Variants in CSPP1 observed in about 807,000 individuals in gnomAD.
CSPP1 encodes the protein centrosome and spindle pole-associated protein 1.
A neutral mutation model predicts 164.4 loss-of-function variants in CSPP1; 126 were observed. The observed-to-expected ratio is 0.77, with a 90% confidence interval of 0.66 to 0.89. The LOEUF (loss-of-function observed/expected upper bound fraction) is 0.89. Ranked by LOEUF, CSPP1 falls within the 40% of genes least tolerant of loss-of-function variation. The pLI, the probability that CSPP1 is intolerant of heterozygous loss-of-function variation, is 0.00. For missense variants in CSPP1, 1,395 were observed against 1,449.8 expected, an observed-to-expected ratio of 0.96 and a Z score of 0.61; for synonymous variants, 472 against 476.7, an observed-to-expected ratio of 0.99 and a Z score of 0.13.
At chr8:67,095,847 A>G (rs1812645313) in intron 7 of CSPP1, 115 bp downstream of exon 7, 1 of 649,294 alleles carries the variant, frequency 1.5e-6, no homozygotes, top group Non-Finnish European at 2.6e-6. Flanking sequence ...ATTTATCATA[A>G]TTAATTCTAA....
chr8:67,173,544 A>C (rs150265315), intron 25 of CSPP1: 1 of 152,274 alleles, frequency 6.6e-6, no homozygotes, highest in East Asian at 1.9e-4. Flanking sequence ...TATTATAGCA[A>C]ATTTTCAAAA....
At chr8:67,172,054 G>A (rs1830568666) in intron 24 of CSPP1, among the ~76,000 whole-genome samples, 1 of 151,008 alleles carries the variant, frequency 6.6e-6, no homozygotes, top group Non-Finnish European at 1.5e-5. Flanking sequence ...CTCCACGTTG[G>A]CCCAGTCTGG....
At chr8:67,110,957 C>G (rs1816731635) in intron 9 of CSPP1, among the ~76,000 whole-genome samples, 1 of 152,014 alleles carries the variant, frequency 6.6e-6, no homozygotes, top group African/African-American at 2.4e-5. Context: ...GGAATATTTA[C>G]TTTTATTATA....
intron 7 of CSPP1, among the ~76,000 whole-genome samples, chr8:67,101,330 G>A (rs1814070657): frequency 6.6e-6 from 1 of 152,178 alleles, no homozygotes. Context: ...GCCAGTGGTT[G>A]TAACTCTCCC....
chr8:67,161,786 C>T (rs1252558432), intron 21 of CSPP1, 25 bp from the exon 22 acceptor site: 13 of 1,384,954 alleles, frequency 9.4e-6, no homozygotes, highest in African/African-American at 1.4e-5. Context: ...AGCAAATATG[C>T]TCTTAAATTT....
At chr8:67,157,432 A>C (rs1475541932) in intron 19 of CSPP1, among the ~76,000 whole-genome samples, 1 of 151,950 alleles carries the variant, frequency 6.6e-6, no homozygotes, top group Non-Finnish European at 1.5e-5. Context: ...AGTAGCTGGG[A>C]TTACAGGCAC....
At chr8:67,089,831 AG>A (rs909815276) in intron 4 of CSPP1, among the ~76,000 whole-genome samples, 2 of 151,146 alleles carry the variant, frequency 1.3e-5, no homozygotes, top group African/African-American at 4.9e-5. Context: ...AATAAAAAAA[AG>A]TTTTTTTTTT....
intron 21 of CSPP1, among the ~76,000 whole-genome samples, chr8:67,159,954 C>CTTCT (rs375502848): frequency 3.2e-5 from 1 of 31,432 alleles, no homozygotes; most frequent in Non-Finnish European, 5.6e-5. Context: ...TCCTTCCTTC[C>CTTCT]TTCTTTCTTT....
intron 27 of CSPP1, among the ~76,000 whole-genome samples, chr8:67,178,329 G>T (rs1255679124): frequency 6.6e-6 from 1 of 152,112 alleles, no homozygotes; most frequent in Non-Finnish European, 1.5e-5. Flanking sequence ...CCTGAGGGGG[G>T]TACTTTTTGT....
In CSPP1 at chr8:67,105,952, G is replaced by A. The variant is rs559885403; in HGVS notation, c.1070G>A (p.Ser357Asn). The A allele has an allele frequency of 1.2e-5, 19 of 1,592,888 alleles. No individual in the cohort carries two copies. The South Asian group carries it at 1.7e-4, about 14-fold the overall frequency. Residue 357 changes from serine to asparagine, a missense_variant, in exon 9 of 31, where the codon AGT (serine) becomes AAT (asparagine). Transcript: ENST00000678616. ...AAATCTGCTAATCAAGATACCTGTA[G>A]TCCTTTTGCAGGGATGCTCTTTGGT... ...TSKSANQDTCSPFAGMLFGGE... is the reference protein window; with the variant it reads ...TSKSANQDTCNPFAGMLFGGE...
rs376215036 is a variant in CSPP1, at chr8:67,193,538, T to G, written c.3405T>G (p.Leu1135=). The G allele has an allele frequency of 4.2e-5, 68 of 1,613,386 alleles. No homozygotes were observed. Among genetic ancestry groups the G allele is most frequent in the Admixed American group, 1.0e-4 (6 of 60,012 alleles). ...TATCCAGTGTAAATGTTGATGAGCT[T>G]AGAGTGAGAAATGAGGAACGAATGC... The part of the protein sequence containing the change: ...KSISSVNVDE[L]RVRNEERMRR... Residue 1135 remains leucine (L), a synonymous_variant, in exon 30 of 31, where the codon CTT becomes CTG. Coordinates refer to ENST00000678616, the MANE Select transcript of CSPP1 (RefSeq NM_001382391.1).
At chr8:67,066,213 C>T (rs1293008552) in intron 1 of CSPP1, among the ~76,000 whole-genome samples, 4 of 152,122 alleles carry the variant, frequency 2.6e-5, no homozygotes, top group African/African-American at 7.2e-5. Flanking sequence ...CCTCTCTTTC[C>T]CCCAGCAACA....
intron 3 of CSPP1, among the ~76,000 whole-genome samples, chr8:67,079,558 T>G (rs542400362): frequency 9.8e-5 from 15 of 152,376 alleles, no homozygotes; most frequent in South Asian, 2.1e-4. Context: ...TTTTGGTGGT[T>G]GTTTTGTTTT....
chr8:67,064,549 G>C lies in CSPP1; in HGVS notation c.-11+11G>C. On this transcript the variant is annotated intron_variant, in intron 1 of 30. Transcript: ENST00000678616. ...AGCGTGAGTGGCGAGGTGTGGCCTG[G>C]GGTGGTGTAGGTTGAGGGTGGAGGG... 3 of 1,598,390 alleles carry C rather than the reference G, an allele frequency of 1.9e-6. No individual in the cohort carries two copies. In the South Asian group the frequency reaches 3.4e-5, roughly 18 times the overall value.
chr8:67,074,075 G>A (rs1807387054), intron 1 of CSPP1, among the ~76,000 whole-genome samples, 168 bp from the exon 2 acceptor site: 1 of 151,936 alleles, frequency 6.6e-6, no homozygotes, highest in Admixed American at 6.6e-5. Context: ...AGGCTTTTTG[G>A]GGAAGCTGGG....
At position 67,113,839 on chromosome 8, in the gene CSPP1, G is replaced by C. The variant is rs1817378097; in HGVS notation, c.1222G>C (p.Gly408Arg). Residue 408 changes from glycine (G) to arginine (R), a missense_variant, in exon 11 of 31, where the codon GGA (glycine) becomes CGA (arginine). Coordinates refer to ENST00000678616, the MANE Select transcript of CSPP1 (RefSeq NM_001382391.1). ...KDLELRVAAS[G>R]AQDPEKSWNE... ...TTTAGAACTCAGGGTTGCAGCGTCTGGAGCACAAGACCCTGAGAAATCGGT... is the reference window on the plus strand; with the variant it reads ...TTTAGAACTCAGGGTTGCAGCGTCTCGAGCACAAGACCCTGAGAAATCGGT... The C allele has an allele frequency of 3.1e-6, 5 of 1,593,074 alleles. No individual in the cohort carries two copies. Among genetic ancestry groups the C allele is most frequent in the Non-Finnish European group, 4.3e-6 (5 of 1,165,574 alleles).
intron 15 of CSPP1, among the ~76,000 whole-genome samples, chr8:67,129,728 A>C (rs1190094811): frequency 6.6e-6 from 1 of 152,240 alleles, no homozygotes; most frequent in Non-Finnish European, 1.5e-5. Flanking sequence ...GAACCTTATA[A>C]ATGTTATGCT....
At chr8:67,192,075 T>TG (rs1836453502) in intron 29 of CSPP1, among the ~76,000 whole-genome samples, 1 of 134,768 alleles carries the variant, frequency 7.4e-6, no homozygotes, top group African/African-American at 2.7e-5. Flanking sequence ...TGTTTTTTTT[T>TG]TTGTTTTTTT....
chr8:67,179,801 T>A, intron 27 of CSPP1, 62 bp from the exon 28 acceptor site: 1 of 1,152,192 alleles, frequency 8.7e-7, no homozygotes, highest in South Asian at 1.3e-5. Flanking sequence ...CTTCTTAGTA[T>A]AAATTTGTTG....
Sources: gnomAD v4.1 joint callset for allele counts (sites outside exome capture counted in the v4.1 genomes callset) on GRCh38, gnomAD v4.1.1 for gene constraint, MANE v1.5 for transcripts, NCBI Gene and HGNC (gene_info 2026-07-23, HGNC 2026-07-21) for gene names.